The following IL1RAPL2 variants were observed in gnomAD, a reference collection of about 807,000 sequenced individuals.
IL1RAPL2 encodes interleukin 1 receptor accessory protein like 2.
IL1RAPL2 carries 3 observed loss-of-function variants against 44.1 expected under a neutral mutation model. That is an observed-to-expected ratio of 0.07 (90% CI 0.03 to 0.18). IL1RAPL2 has a LOEUF of 0.18. IL1RAPL2 is among the 10% of genes least tolerant of loss of function. The probability of loss-of-function intolerance (pLI) is 1.00; values close to 1 mark genes in which losing one functional copy is unlikely to be tolerated. For synonymous variants in IL1RAPL2, 181 were observed against 178.8 expected (o/e 1.01, Z -0.10); for missense variants, 391 against 496.4 (o/e 0.79, Z 2.02).
intron 2 of IL1RAPL2, among the ~76,000 whole-genome samples, chrX:104,747,080 T>C (rs1337110407): frequency 9.0e-6 from 1 of 111,420 alleles, no homozygotes; most frequent in Non-Finnish European, 1.9e-5. Flanking sequence ...GCCAGACTAG[T>C]GTACTTATCC....
intron 6 of IL1RAPL2, among the ~76,000 whole-genome samples, chrX:105,635,073 A>C (rs953147658): frequency 3.6e-5 from 4 of 111,800 alleles, no homozygotes; most frequent in Admixed American, 2.9e-4. Flanking sequence ...ACAGGAAAAT[A>C]AAAGGACCAA....
intron 5 of IL1RAPL2, among the ~76,000 whole-genome samples, chrX:105,281,485 G>A (rs1488977663): frequency 8.9e-6 from 1 of 112,444 alleles, no homozygotes; most frequent in South Asian, 3.7e-4. Context: ...CATATTAATT[G>A]CAGTCATGCA....
At chrX:104,838,876 GTC>G (rs1921824817) in intron 2 of IL1RAPL2, among the ~76,000 whole-genome samples, 1 of 78,116 alleles carries the variant, frequency 1.3e-5, no homozygotes, top group Non-Finnish European at 2.3e-5. Flanking sequence ...TTGAGGCAGA[GTC>G]TCTCTCTGTG....
intron 5 of IL1RAPL2, among the ~76,000 whole-genome samples, chrX:105,304,052 T>C (rs1190304669): frequency 8.8e-6 from 1 of 113,032 alleles, no homozygotes; most frequent in Non-Finnish European, 1.9e-5. Context: ...AGGCATCCAC[T>C]TGGGCTTTCC....
intron 2 of IL1RAPL2, among the ~76,000 whole-genome samples, chrX:104,830,277 G>A (rs937088721): frequency 1.8e-5 from 2 of 110,728 alleles, no homozygotes; most frequent in Non-Finnish European, 3.8e-5. Context: ...CCTGAAGGTA[G>A]GTACAACTCA....
intron 3 of IL1RAPL2, chrX:105,219,853 C>A: frequency 9.4e-6 from 10 of 1,067,231 alleles, no homozygotes; most frequent in Non-Finnish European, 1.3e-5. Context: ...AAGGGCGGGG[C>A]AGGGCGAAGC....
chrX:104,709,793 C>G (rs1451437491), intron 2 of IL1RAPL2, among the ~76,000 whole-genome samples: 1 of 110,749 alleles, frequency 9.0e-6, no homozygotes, highest in Non-Finnish European at 1.9e-5. Flanking sequence ...AGAACTCTTA[C>G]AACTCAACAA....
At chrX:105,256,475 C>A (rs752324177) in intron 4 of IL1RAPL2, among the ~76,000 whole-genome samples, 2 of 109,466 alleles carry the variant, frequency 1.8e-5, no homozygotes, top group Admixed American at 9.8e-5. Flanking sequence ...ATTACAGGTG[C>A]CTGCCACCGC....
At chrX:104,945,935 T>C (rs1003987888) in intron 2 of IL1RAPL2, among the ~76,000 whole-genome samples, 1 of 109,827 alleles carries the variant, frequency 9.1e-6, no homozygotes, top group African/African-American at 3.3e-5. Flanking sequence ...GGATACATGA[T>C]TTTTTTTTCT....
chrX:104,942,986 T>C (rs1386086515), intron 2 of IL1RAPL2, among the ~76,000 whole-genome samples: 1 of 111,680 alleles, frequency 9.0e-6, no homozygotes, highest in Non-Finnish European at 1.9e-5. Context: ...GTTTATATGG[T>C]GGATTACATT....
At chrX:104,947,133 T>C (rs1360779549) in intron 2 of IL1RAPL2, among the ~76,000 whole-genome samples, 1 of 112,050 alleles carries the variant, frequency 8.9e-6, no homozygotes, top group Non-Finnish European at 1.9e-5. Context: ...TGGTATCTCA[T>C]TGTGGTTTTG....
chrX:105,570,879 A>G (rs767156388), intron 6 of IL1RAPL2, among the ~76,000 whole-genome samples: 5 of 111,779 alleles, frequency 4.5e-5, no homozygotes, highest in Non-Finnish European at 9.4e-5. Flanking sequence ...GCCTTGCCCT[A>G]TTGAGCTTAA....
At chrX:105,076,548 G>A (rs1353093548) in intron 2 of IL1RAPL2, among the ~76,000 whole-genome samples, 9 of 111,371 alleles carry the variant, frequency 8.1e-5, no homozygotes, top group African/African-American at 2.6e-4. Context: ...TTCTGTAGAT[G>A]TCTATTAGGT....
intron 2 of IL1RAPL2, among the ~76,000 whole-genome samples, chrX:104,787,405 T>C (rs895343033): frequency 7.2e-5 from 8 of 111,190 alleles, no homozygotes; most frequent in African/African-American, 2.6e-4. Context: ...ATGGGCTAAG[T>C]CTTTACTTTG....
At chrX:105,073,459 G>A (rs2032240640) in intron 2 of IL1RAPL2, among the ~76,000 whole-genome samples, 1 of 110,287 alleles carries the variant, frequency 9.1e-6, no homozygotes, top group Non-Finnish European at 1.9e-5. Flanking sequence ...GGACATTTGG[G>A]TTGGTTCCAG....
intron 2 of IL1RAPL2, among the ~76,000 whole-genome samples, chrX:104,978,275 T>C (rs189382316): frequency 2.0e-3 from 222 of 111,988 alleles, no homozygotes; most frequent in Non-Finnish European, 3.3e-3. Context: ...CCTCATGGTG[T>C]GGGAGTAGGA....
At chrX:105,217,653 A>G (rs1255124716) in intron 3 of IL1RAPL2, among the ~76,000 whole-genome samples, 3 of 112,306 alleles carry the variant, frequency 2.7e-5, no homozygotes, top group African/African-American at 9.7e-5. Flanking sequence ...ATGCACACAT[A>G]TGTTTATTGC....
At position 105,767,194 on chromosome X, in the gene IL1RAPL2, T is replaced by A. The variant is rs2038738784; in HGVS notation, c.1594T>A (p.Ser532Thr). Residue 532 changes from serine to threonine, a missense_variant, in exon 11 of 11, where the codon TCC becomes ACC. Coordinates refer to ENST00000372582, the MANE Select transcript of IL1RAPL2 (RefSeq NM_017416.2). ...ACTAAAGCGTAGCATCAAACTTCTGTCCCTGATCAAGTGGAAGGGATCCAA... is the reference window on the plus strand; with the variant it reads ...ACTAAAGCGTAGCATCAAACTTCTGACCCTGATCAAGTGGAAGGGATCCAA... ...ESLKRSIKLLSLIKWKGSKSS... is the reference protein window; with the variant it reads ...ESLKRSIKLLTLIKWKGSKSS... 1 of 1,209,482 alleles carries A rather than the reference T, an allele frequency of 8.3e-7. No homozygotes were observed. Among genetic ancestry groups the A allele is most frequent in the Non-Finnish European group, 1.1e-6 (1 of 894,642 alleles).
At chrX:105,174,956 A>G (rs745786150) in intron 2 of IL1RAPL2, among the ~76,000 whole-genome samples, 13 of 112,156 alleles carry the variant, frequency 1.2e-4, no homozygotes, top group African/African-American at 3.6e-4. Flanking sequence ...GTTAAGAGAA[A>G]GGAACCTGGA....
Sources: gnomAD v4.1 joint callset for allele counts (sites outside exome capture counted in the v4.1 genomes callset) on GRCh38, gnomAD v4.1.1 for gene constraint, MANE v1.5 for transcripts, NCBI Gene and HGNC (gene_info 2026-07-23, HGNC 2026-07-21) for gene names.